Variants in NUP58 observed in about 807,000 individuals in gnomAD.
NUP58 encodes the protein nucleoporin 58.
In NUP58, 17 loss-of-function variants were observed where a neutral mutation model predicts 70.1. That is an observed-to-expected ratio of 0.24 (90% confidence interval 0.17 to 0.36). The LOEUF is 0.36. Among genes scored for constraint, NUP58 ranks in the 10% least tolerant of loss-of-function variants. NUP58 has a pLI of 1.00. For synonymous variants in NUP58, 275 were observed against 257.6 expected (o/e 1.07, Z -0.65); for missense variants, 644 against 701.5 (o/e 0.92, Z 0.93).
downstream of NUP58, among the ~76,000 whole-genome samples, chr13:25,343,809 A>ATG (rs1482507713): frequency 2.4e-4 from 31 of 128,282 alleles, no homozygotes; most frequent in Non-Finnish European, 2.1e-4. Flanking sequence ...ATATATGTAT[A>ATG]TATATATATA....
At chr13:25,346,053 C>T (rs1192621222), downstream of NUP58, among the ~76,000 whole-genome samples, 2 of 152,128 alleles carry the variant, frequency 1.3e-5, no homozygotes, top group Non-Finnish European at 2.9e-5. Context: ...CTTTTAATCC[C>T]CCGGGAAGCA....
chr13:25,301,939 G>T (rs2137691864), intron 1 of NUP58, 59 bp downstream of exon 1: 2 of 1,110,536 alleles, frequency 1.8e-6, no homozygotes, highest in Middle Eastern at 2.0e-4. Context: ...CCCCCGCAAA[G>T]CTCCCTTGGT....
intron 15 of NUP58, among the ~76,000 whole-genome samples, chr13:25,339,044 A>G (rs1042044015): frequency 3.9e-5 from 6 of 152,140 alleles, no homozygotes; most frequent in African/African-American, 1.4e-4. Context: ...TTATTACAAA[A>G]AGGAACCCAT....
At chr13:25,312,582 G>T (rs955871108) in intron 3 of NUP58, among the ~76,000 whole-genome samples, 1 of 152,136 alleles carries the variant, frequency 6.6e-6, no homozygotes, top group African/African-American at 2.4e-5. Flanking sequence ...TGGCCAGGCT[G>T]GTCTTGAACT....
In NUP58 at chr13:25,313,726, C is replaced by A; in HGVS notation, c.549C>A (p.Phe183Leu). 6.5e-7 allele frequency: 1 copy of A among 1,531,990 alleles called. No individual in the cohort carries two copies. The highest frequency in any genetic ancestry group is 8.7e-7 in the Non-Finnish European group (1 of 1,152,340). The allele number at this position is 1,531,990 out of a possible 1,614,324, so 94.9% of individuals were successfully genotyped here. A position where few individuals can be genotyped will look rare whatever the true frequency, so the allele number is the denominator to read the frequency against. ...TAGCTGGTTTGGGAGGTTCACTTTT[C>A]CAGAGTACAAACACAGGAACATCAG... Reference protein sequence around the residue: ...GALAGLGGSLFQSTNTGTSGL... With the variant: ...GALAGLGGSLLQSTNTGTSGL... The change falls in exon 5 of 16, where the codon TTC (phenylalanine) becomes TTA (leucine). Residue 183 changes from phenylalanine (F) to leucine (L), a missense_variant. By Grantham distance (22) the Phe-to-Leu change is conservative (BLOSUM62 0). Transcript: ENST00000381736.
chr13:25,321,743 C>A (rs1264244765), intron 9 of NUP58, among the ~76,000 whole-genome samples: 2 of 152,094 alleles, frequency 1.3e-5, no homozygotes, highest in Non-Finnish European at 2.9e-5. Context: ...ATGCTGAAAT[C>A]CCGTCTCTAC....
At chr13:25,326,171 A>G (rs2031386853) in intron 10 of NUP58, among the ~76,000 whole-genome samples, 1 of 152,208 alleles carries the variant, frequency 6.6e-6, no homozygotes, top group East Asian at 1.9e-4. Flanking sequence ...CGTCTTACTC[A>G]GGTTGGCATG....
intron 10 of NUP58, 141 bp downstream of exon 10, chr13:25,325,209 A>G: frequency 3.3e-6 from 2 of 608,468 alleles, no homozygotes; most frequent in African/African-American, 1.9e-5. Context: ...TTTAAATTTC[A>G]TAATAACCCT....
At chr13:25,329,819 TTTA>T (rs1168242857) in intron 12 of NUP58, among the ~76,000 whole-genome samples, 1 of 152,096 alleles carries the variant, frequency 6.6e-6, no homozygotes, top group East Asian at 1.9e-4. Flanking sequence ...GTTTGTTTGT[TTTA>T]TTATTTTGTT....
intron 6 of NUP58, among the ~76,000 whole-genome samples, chr13:25,316,785 G>GT (rs935066651): frequency 2.0e-5 from 3 of 152,100 alleles, no homozygotes; most frequent in African/African-American, 7.2e-5. Flanking sequence ...TAAGATAAAT[G>GT]TAAGAAATTA....
At chr13:25,327,276 G>A (rs74042924) in intron 11 of NUP58, among the ~76,000 whole-genome samples, 154 bp from the exon 12 acceptor site, 3,217 of 152,232 alleles carry the variant, frequency 0.021, 129 homozygotes, top group African/African-American at 0.074. Flanking sequence ...CATTCAGTCT[G>A]CTACTCTGTG....
chr13:25,316,305 G>T lies in NUP58; in HGVS notation c.685+838G>T, dbSNP rs1310697231. Among the ~76,000 whole-genome samples, 4 of 151,956 alleles carry T rather than the reference G, an allele frequency of 2.6e-5. No homozygotes were observed. The South Asian group carries it at 6.2e-4, about 24-fold the overall frequency. The stretch of plus-strand genomic sequence containing the variant: ...ATTGTTTTTTGTGTTACTTTGTTTT[G>T]CACCATCTCTTCTGCTTCTGATGAA... On this transcript the variant is annotated intron_variant, in intron 6 of 15. Transcript: ENST00000381736.
chr13:25,346,940 G>A (rs938573465), downstream of NUP58, among the ~76,000 whole-genome samples: 1 of 152,148 alleles, frequency 6.6e-6, no homozygotes, highest in African/African-American at 2.4e-5. Flanking sequence ...ACCCTCCAGA[G>A]GAGGTTTGTA....
intron 9 of NUP58, among the ~76,000 whole-genome samples, chr13:25,324,419 G>A (rs1450302591): frequency 1.3e-5 from 2 of 152,180 alleles, no homozygotes; most frequent in African/African-American, 4.8e-5. Context: ...ATGGTTGAGT[G>A]TGTAAGCTTT....
intron 12 of NUP58, among the ~76,000 whole-genome samples, chr13:25,328,231 A>G (rs993915320): frequency 1.3e-5 from 2 of 152,040 alleles, no homozygotes; most frequent in Non-Finnish European, 2.9e-5. Flanking sequence ...CTTAGTAGCA[A>G]ATGATTTTGT....
intron 11 of NUP58, 33 bp from the exon 12 acceptor site, chr13:25,327,397 A>G (rs774641845): frequency 1.5e-6 from 2 of 1,356,024 alleles, no homozygotes; most frequent in East Asian, 4.6e-5. Flanking sequence ...ATATATGTAT[A>G]TATTTGGGTG....
intron 1 of NUP58, among the ~76,000 whole-genome samples, chr13:25,305,218 G>A (rs1417726295): frequency 1.5e-5 from 2 of 135,636 alleles, no homozygotes; most frequent in Admixed American, 8.5e-5. Context: ...ATCTCAGCCC[G>A]CTACAACCTC....
In NUP58 at chr13:25,319,244, T is replaced by C. The variant is rs1346654058; in HGVS notation, c.686-82T>C. On this transcript the variant is annotated intron_variant, in intron 6 of 15. Coordinates refer to ENST00000381736, the MANE Select transcript of NUP58 (RefSeq NM_014089.4). The stretch of plus-strand genomic sequence containing the variant: ...TTAACAGTTTATATTTATACTTTAA[T>C]TTGTGTTAATTTAAAGCTTGTATTT... 4.3e-6 allele frequency: 5 copies of C among 1,162,818 alleles called. No individual in the cohort carries two copies. The Admixed American group carries it at 8.6e-5, about 20-fold the overall frequency. 72.0% of individuals were successfully genotyped at this position (1,162,818 alleles called of 1,614,324 possible). A position where few individuals can be genotyped will look rare whatever the true frequency, so the allele number is the denominator to read the frequency against.
chr13:25,349,728 T>A (rs531350002), exon 4 of NUP58: 1 of 152,478 alleles, frequency 6.6e-6, no homozygotes, highest in Admixed American at 6.5e-5. Flanking sequence ...AAAAGCACAT[T>A]AAGCTTAGAG....
Sources: allele counts gnomAD v4.1 joint callset (sites outside exome capture counted in the v4.1 genomes callset), GRCh38; gene constraint gnomAD v4.1.1; transcripts MANE v1.5; gene names NCBI Gene and HGNC (gene_info 2026-07-23, HGNC 2026-07-21).